Variants in TOP1 observed in about 807,000 individuals in gnomAD.
TOP1 encodes the protein DNA topoisomerase I.
In TOP1, 10 loss-of-function variants were observed where a neutral mutation model predicts 111.1. The observed-to-expected ratio is 0.09, with a 90% confidence interval of 0.06 to 0.15. The LOEUF (loss-of-function observed/expected upper bound fraction) is 0.15. Among genes scored for constraint, TOP1 ranks in the 10% least tolerant of loss-of-function variants. TOP1 has a pLI of 1.00. For synonymous variants in TOP1, 271 were observed against 302.9 expected, an observed-to-expected ratio of 0.89 and a Z score of 1.10; for missense variants, 474 against 926.7, an observed-to-expected ratio of 0.51 and a Z score of 6.34.
At chr20:41,045,945 C>G (rs1422281017) in intron 2 of TOP1, among the ~76,000 whole-genome samples, 1 of 152,136 alleles carries the variant, frequency 6.6e-6, no homozygotes, top group African/African-American at 2.4e-5. Context: ...GTTAGCTAGA[C>G]ATATATTAGT....
At position 41,122,625 on chromosome 20, in the gene TOP1, A is replaced by G. The variant is rs1383164181; in HGVS notation, c.2195+470A>G. ...CCTTTAACAAAAGCAGATAAATACTAGGTTTCTCTGTGTGTCACACACAGT... is the reference window on the plus strand; with the variant it reads ...CCTTTAACAAAAGCAGATAAATACTGGGTTTCTCTGTGTGTCACACACAGT... On this transcript the variant is annotated intron_variant, in intron 20 of 20. Transcript: ENST00000361337. The surrounding 1 kb of genome is among the most constrained non-coding windows in gnomAD (Gnocchi z 5.4). Among the ~76,000 whole-genome samples, 3 of 152,238 alleles carry G rather than the reference A, an allele frequency of 2.0e-5. No homozygotes were observed. Among genetic ancestry groups the G allele is most frequent in the Non-Finnish European group, 4.4e-5 (3 of 68,034 alleles).
At chr20:41,076,077 GT>G in intron 3 of TOP1, 93 bp from the exon 4 acceptor site, 1 of 1,370,916 alleles carries the variant, frequency 7.3e-7, no homozygotes, top group South Asian at 1.5e-5. Context: ...AGTACTGTAA[GT>G]TTCCACGGTT....
rs2033513245 is a variant in TOP1 at position 41,059,286 on chromosome 20, A to G, written c.59-2108A>G. 2.6e-5 allele frequency among the ~76,000 whole-genome samples: 4 copies of G among 152,052 alleles called. No individual in the cohort carries two copies. In the South Asian group the frequency reaches 8.3e-4, roughly 32 times the overall value. On this transcript the variant is annotated intron_variant, in intron 2 of 20. Transcript: ENST00000361337. ...ACCTCCATGACACGAGTTTACCTAT[A>G]TAACAAACCTGCACATATACCCCTG... is the stretch of plus-strand genomic sequence containing the variant.
intron 17 of TOP1, among the ~76,000 whole-genome samples, chr20:41,117,227 C>G (rs1421839358): frequency 6.6e-6 from 1 of 151,830 alleles, no homozygotes; most frequent in African/African-American, 2.4e-5. Flanking sequence ...GCGGTGTGCA[C>G]CTGTCATCCC....
chr20:41,056,228 G>T (rs1600563112), intron 2 of TOP1, among the ~76,000 whole-genome samples: 1 of 152,262 alleles, frequency 6.6e-6, no homozygotes, highest in East Asian at 1.9e-4. Context: ...TTCCCTTTCA[G>T]TTGGTTATTT....
chr20:41,096,642 A>G (rs1485348614), intron 9 of TOP1, among the ~76,000 whole-genome samples: 4 of 152,218 alleles, frequency 2.6e-5, no homozygotes, highest in South Asian at 2.1e-4. Context: ...TTGAATAGCA[A>G]AGTTCTAGAA....
intron 2 of TOP1, among the ~76,000 whole-genome samples, chr20:41,035,311 A>G (rs2033171500): frequency 2.0e-5 from 3 of 151,844 alleles, no homozygotes; most frequent in Admixed American, 2.0e-4. Flanking sequence ...TCTCCCTTCT[A>G]CCCTTCCCAT....
chr20:41,088,919 T>C (rs560427177), intron 8 of TOP1, among the ~76,000 whole-genome samples: 1 of 152,184 alleles, frequency 6.6e-6, no homozygotes, highest in Non-Finnish European at 1.5e-5. Context: ...ATTAAGTACA[T>C]TCATATTGTT....
chr20:41,098,454 C>T lies in TOP1; in HGVS notation c.975+117C>T, dbSNP rs1453205285. On this transcript the variant is annotated intron_variant, in intron 11 of 20. Coordinates refer to ENST00000361337, the MANE Select transcript of TOP1 (RefSeq NM_003286.4). The surrounding 1 kb of genome is among the most constrained non-coding windows in gnomAD (Gnocchi z 5.7). ...ATCAGTAATTTCACATCATTCTATG[C>T]TAAAGACTTAGAGTTCTCAAAGTCT... is the stretch of plus-strand genomic sequence containing the variant. 11 of 1,175,764 alleles carry T rather than the reference C, an allele frequency of 9.4e-6. No homozygotes were observed. The highest frequency in any genetic ancestry group is 1.6e-5 in the African/African-American group (1 of 64,102). The allele number at this position is 1,175,764 out of a possible 1,614,324, so 72.8% of individuals were successfully genotyped here.
chr20:41,117,285 C>T (rs779629657), intron 17 of TOP1, among the ~76,000 whole-genome samples: 5 of 115,324 alleles, frequency 4.3e-5, no homozygotes, highest in African/African-American at 8.6e-5. Flanking sequence ...TAATGAGCTA[C>T]GACCATACCA....
At position 41,112,838 on chromosome 20, in the gene TOP1, C is replaced by T. The variant is rs1176275821; in HGVS notation, c.1365C>T (p.Asp455=). The T allele has an allele frequency of 6.2e-7, 1 of 1,614,208 alleles. No individual in the cohort carries two copies. Residue 455 remains aspartate (D), a synonymous_variant, in exon 14 of 21, where the codon GAC becomes GAT. Transcript: ENST00000361337. This position sits in a 1 kb window ranked among gnomAD's most constrained non-coding sequence, Gnocchi z 5.8. ...ETARRLKKCV[D]KIRNQYREDW... ...CTCGGCGGCTGAAAAAATGTGTGGA[C>T]AAGATCCGGAACCAGTATCGAGAAG...
intron 8 of TOP1, among the ~76,000 whole-genome samples, chr20:41,086,644 T>G (rs1395781992): frequency 3.3e-5 from 5 of 152,240 alleles, no homozygotes; most frequent in Non-Finnish European, 5.9e-5. Context: ...AATTTTGCTT[T>G]TGTGGTTGAA....
At chr20:41,081,139 C>T in intron 6 of TOP1, 26 bp from the exon 7 acceptor site, 3 of 1,574,668 alleles carry the variant, frequency 1.9e-6, no homozygotes, top group Non-Finnish European at 2.6e-6. Flanking sequence ...ATTATGTTAA[C>T]TGTGTATTCA....
At position 41,046,503 on chromosome 20, in the gene TOP1, T is replaced by C. The variant is rs963579575; in HGVS notation, c.59-14891T>C. 2.6e-5 allele frequency among the ~76,000 whole-genome samples: 4 copies of C among 152,242 alleles called. No individual in the cohort carries two copies. Among genetic ancestry groups the C allele is most frequent in the Non-Finnish European group, 5.9e-5 (4 of 68,030 alleles). On this transcript the variant is annotated intron_variant, in intron 2 of 20. Transcript: ENST00000361337. The surrounding 1 kb of genome is among the most constrained non-coding windows in gnomAD (Gnocchi z 4.3). ...GGCGCCCATCTCTTCACTTATGATG[T>C]GTCCTTAACAGACTAAATGCAGGCT...
Position 41,098,154 on chromosome 20 carries a change from C to G in TOP1, c.853-61C>G, listed in dbSNP as rs1307702741. On this transcript the variant is annotated intron_variant, in intron 10 of 20. Transcript: ENST00000361337. This position sits in a 1 kb window ranked among gnomAD's most constrained non-coding sequence, Gnocchi z 5.7. ...GCTTGGGTGTATTTGCAAAGAAACCCAAGGACTTATTAGTGTATTTTCGTT... is the reference window on the plus strand; with the variant it reads ...GCTTGGGTGTATTTGCAAAGAAACCGAAGGACTTATTAGTGTATTTTCGTT... 6.4e-7 allele frequency: 1 copy of G among 1,572,982 alleles called. No individual in the cohort carries two copies.
intron 18 of TOP1, among the ~76,000 whole-genome samples, chr20:41,120,469 G>C (rs1262333485): frequency 6.6e-6 from 1 of 152,244 alleles, no homozygotes; most frequent in African/African-American, 2.4e-5. Context: ...CCATAGGTAT[G>C]GGGTTCTCCT....
At position 41,098,196 on chromosome 20, in the gene TOP1, C is replaced by T; in HGVS notation, c.853-19C>T. ...ATTTTCGTTGTTTTTCTTTCATCTC[C>T]CCATTTTCTTTTGACTAGGAAATGA... On this transcript the variant is annotated intron_variant, in intron 10 of 20. Transcript: ENST00000361337. The surrounding 1 kb of genome is among the most constrained non-coding windows in gnomAD (Gnocchi z 5.7). The T allele has an allele frequency of 6.2e-7, 1 of 1,612,960 alleles. No individual in the cohort carries two copies. Among genetic ancestry groups the T allele is most frequent in the South Asian group, 1.1e-5 (1 of 91,018 alleles).
rs1167432812 is a variant in TOP1 at position 41,123,857 on chromosome 20, G to A, written c.*560G>A. 2 of 232,468 alleles carry A rather than the reference G, an allele frequency of 8.6e-6. No homozygotes were observed. The highest frequency in any genetic ancestry group is 1.7e-5 in the Non-Finnish European group (2 of 117,428). 14.4% of individuals were successfully genotyped at this position (232,468 alleles called of 1,614,324 possible). On this transcript the variant is annotated 3_prime_UTR_variant, in exon 21 of 21. Transcript: ENST00000361337. The surrounding 1 kb of genome is among the most constrained non-coding windows in gnomAD (Gnocchi z 5.8). Reference sequence around the variant, plus strand: ...TAAACTTGAAGCAGTCGTGGCTTTGGCAGTGTTTTGGTTCAGACACCTGTT... The same window carrying A: ...TAAACTTGAAGCAGTCGTGGCTTTGACAGTGTTTTGGTTCAGACACCTGTT...
rs1433616122 is a variant in TOP1, at chr20:41,030,950, T to A, written c.58+1495T>A. ...CTGATCCTGTAACCATAACACTCCC[T>A]TGCTCTCAATTCAGTCTATTGGGGG... is the stretch of plus-strand genomic sequence containing the variant. On this transcript the variant is annotated intron_variant, in intron 2 of 20. Transcript: ENST00000361337. This position sits in a 1 kb window ranked among gnomAD's most constrained non-coding sequence, Gnocchi z 4.1. Among the ~76,000 whole-genome samples, 18 of 152,218 alleles carry A rather than the reference T, an allele frequency of 1.2e-4. No homozygotes were observed. Among genetic ancestry groups the A allele is most frequent in the Admixed American group, 1.2e-3 (18 of 15,288 alleles).
Sources: gnomAD v4.1 joint callset for allele counts (sites outside exome capture counted in the v4.1 genomes callset) on GRCh38, gnomAD v4.1.1 for gene constraint, Gnocchi (gnomAD v3.1) non-coding constraint, MANE v1.5 for transcripts, NCBI Gene and HGNC (gene_info 2026-07-23, HGNC 2026-07-21) for gene names.